MICU3: variants seen among roughly 807,000 people sequenced by gnomAD.
MICU3 encodes the protein mitochondrial calcium uptake 3, also known as calcium uptake protein 3, mitochondrial.
In MICU3, 62 loss-of-function variants were observed where a neutral mutation model predicts 66.5. The ratio of observed to expected loss-of-function variants is 0.93; its 90% CI spans 0.76 to 1.15. MICU3 has a LOEUF of 1.15. Among genes scored for constraint, MICU3 ranks in the 50% most tolerant of loss-of-function variants. The pLI is 0.00. For missense variants in MICU3, 779 were observed against 664.4 expected, an observed-to-expected ratio of 1.17 and a Z score of -1.90; for synonymous variants, 308 against 240.7, an observed-to-expected ratio of 1.28 and a Z score of -2.59.
chr8:17,074,590 CGTGTGTGT>C (rs35861279), intron 3 of MICU3, among the ~76,000 whole-genome samples: 2,578 of 141,980 alleles, frequency 0.018, 31 homozygotes, highest in African/African-American at 0.028. Flanking sequence ...GATGTTAAAA[CGTGTGTGT>C]GTGTGTGTGT....
At chr8:17,088,737 A>G (rs1050772129) in intron 7 of MICU3, among the ~76,000 whole-genome samples, 6 of 152,100 alleles carry the variant, frequency 3.9e-5, no homozygotes, top group South Asian at 2.1e-4. Flanking sequence ...CCATCAAGTA[A>G]TAAAGGGAGA....
intron 3 of MICU3, 24 bp from the exon 4 acceptor site, chr8:17,077,759 T>C (rs746121129): frequency 6.5e-6 from 10 of 1,528,262 alleles, no homozygotes; most frequent in Middle Eastern, 1.7e-4. Flanking sequence ...TACCAATTCA[T>C]CAGTAGTATA....
chr8:17,059,171 G>A (rs1686518993), intron 1 of MICU3, among the ~76,000 whole-genome samples: 1 of 152,126 alleles, frequency 6.6e-6, no homozygotes, highest in African/African-American at 2.4e-5. Context: ...TTGAGTTTTT[G>A]TTTGGGGATT....
chr8:17,105,199 G>C (rs574338045), intron 10 of MICU3, among the ~76,000 whole-genome samples: 1 of 151,838 alleles, frequency 6.6e-6, no homozygotes, highest in African/African-American at 2.4e-5. Context: ...CCCCTGAAAG[G>C]CTAGGTTATT....
intron 1 of MICU3, among the ~76,000 whole-genome samples, chr8:17,057,658 C>G (rs1817155142): frequency 6.6e-6 from 1 of 152,068 alleles, no homozygotes; most frequent in South Asian, 2.1e-4. Flanking sequence ...TGCAAATGAT[C>G]TCCTCCTACA....
intron 1 of MICU3, among the ~76,000 whole-genome samples, chr8:17,036,378 A>G (rs1812991355): frequency 6.6e-6 from 1 of 152,102 alleles, no homozygotes; most frequent in Non-Finnish European, 1.5e-5. Flanking sequence ...CAAAGCTTCC[A>G]CAGTGTGGAA....
At chr8:17,087,353 A>G (rs1258742803) in intron 7 of MICU3, among the ~76,000 whole-genome samples, 2 of 152,074 alleles carry the variant, frequency 1.3e-5, no homozygotes, top group Admixed American at 6.6e-5. Flanking sequence ...TTAAAGGTGA[A>G]TTGCAAAGAT....
At chr8:17,063,953 G>A (rs567521518) in intron 1 of MICU3, 131 bp from the exon 2 acceptor site, 24 of 522,124 alleles carry the variant, frequency 4.6e-5, no homozygotes, top group Middle Eastern at 4.2e-4. Context: ...AGTGATTAAC[G>A]TTTTTCAGAA....
intron 1 of MICU3, among the ~76,000 whole-genome samples, chr8:17,054,616 C>G (rs1816611043): frequency 6.6e-6 from 1 of 152,080 alleles, no homozygotes; most frequent in East Asian, 1.9e-4. Flanking sequence ...TTCAGTCTCC[C>G]TTAGGTAATG....
chr8:17,126,523 G>A (rs1238102242), downstream of MICU3, among the ~76,000 whole-genome samples: 1 of 152,136 alleles, frequency 6.6e-6, no homozygotes, highest in Non-Finnish European at 1.5e-5. Context: ...GTACCCACAA[G>A]GAACTTAAGG....
chr8:17,093,660 T>C (rs939022654), intron 8 of MICU3, among the ~76,000 whole-genome samples: 2 of 151,992 alleles, frequency 1.3e-5, no homozygotes, highest in Non-Finnish European at 2.9e-5. Context: ...TTGTTACCTG[T>C]ATAAGATTAT....
At chr8:17,118,154 A>G (rs1247320200) in intron 13 of MICU3, among the ~76,000 whole-genome samples, 1 of 152,196 alleles carries the variant, frequency 6.6e-6, no homozygotes, top group Non-Finnish European at 1.5e-5. Context: ...GATCAAATTA[A>G]ATATAAAGTA....
In MICU3 at chr8:17,049,632, G is replaced by C. The variant is rs759040341; in HGVS notation, c.382-14452G>C. On this transcript the variant is annotated intron_variant, in intron 1 of 14. Coordinates refer to ENST00000318063, the MANE Select transcript of MICU3 (RefSeq NM_181723.3). Reference sequence around the variant, plus strand: ...CATTTGAACGTAGGCCGGAAGGATTGCAAAACCCATATACTTTCATTCCAA... The same window carrying C: ...CATTTGAACGTAGGCCGGAAGGATTCCAAAACCCATATACTTTCATTCCAA... 4 of 518,468 alleles carry C rather than the reference G, an allele frequency of 7.7e-6. No homozygotes were observed. In the East Asian group the frequency reaches 2.2e-4, roughly 28 times the overall value. The allele number at this position is 518,468 out of a possible 1,614,324, so 32.1% of individuals were successfully genotyped here. A position where few individuals can be genotyped will look rare whatever the true frequency, so the allele number is the denominator to read the frequency against.
In MICU3 at chr8:17,087,007, A is replaced by G; in HGVS notation, c.821A>G (p.Lys274Arg). The G allele has an allele frequency of 6.2e-7, 1 of 1,607,808 alleles. No individual in the cohort carries two copies. The highest frequency in any genetic ancestry group is 1.1e-5 in the South Asian group (1 of 90,864). ...AAAAAAAATGAAAAGAGAGAAATTA[A>G]AGGAGATGAAGAAAAGCGTGCAATG... ...FRKKNEKREI[K>R]GDEEKRAMLR... The change falls in exon 7 of 15, where the codon AAA (lysine) becomes AGA (arginine). Residue 274 changes from lysine (K) to arginine (R), a missense_variant. By Grantham distance (26) the Lys-to-Arg change is conservative. Coordinates refer to ENST00000318063, the MANE Select transcript of MICU3 (RefSeq NM_181723.3).
At chr8:17,114,011 T>C (rs1208073924) in intron 11 of MICU3, 82 bp from the exon 12 acceptor site, 1 of 811,800 alleles carries the variant, frequency 1.2e-6, no homozygotes, top group Non-Finnish European at 1.9e-6. Context: ...ATGCTTAATC[T>C]GTTTTTTTCT....
intron 3 of MICU3, among the ~76,000 whole-genome samples, chr8:17,070,699 G>C (rs957928101): frequency 6.6e-6 from 1 of 151,172 alleles, no homozygotes; most frequent in South Asian, 2.1e-4. Context: ...CTAGTTAAAG[G>C]GAATCCTCCA....
chr8:17,034,633 A>G (rs1262353684), intron 1 of MICU3, among the ~76,000 whole-genome samples: 1 of 152,224 alleles, frequency 6.6e-6, no homozygotes, highest in Non-Finnish European at 1.5e-5. Flanking sequence ...ACTTTCATGG[A>G]TGACCTCAAG....
chr8:17,055,343 C>G (rs926089959), intron 1 of MICU3, among the ~76,000 whole-genome samples: 7 of 152,148 alleles, frequency 4.6e-5, no homozygotes, highest in Non-Finnish European at 1.0e-4. Flanking sequence ...GGAAGTGAGT[C>G]TCTCCATCTT....
downstream of MICU3, among the ~76,000 whole-genome samples, chr8:17,123,996 C>T (rs1803337528): frequency 6.8e-6 from 1 of 147,904 alleles, no homozygotes; most frequent in Non-Finnish European, 1.5e-5. Context: ...TTCTCAGAGG[C>T]AATCACTTTC....
Sources: gnomAD v4.1 joint callset for allele counts (sites outside exome capture counted in the v4.1 genomes callset) on GRCh38, gnomAD v4.1.1 for gene constraint, MANE v1.5 for transcripts, NCBI Gene and HGNC (gene_info 2026-07-23, HGNC 2026-07-21) for gene names.